SLC6A13: variants seen among roughly 807,000 people sequenced by gnomAD.
The protein encoded by SLC6A13 is solute carrier family 6 member 13.
A neutral mutation model predicts 72.9 loss-of-function variants in SLC6A13; 69 were observed. The ratio of observed to expected loss-of-function variants is 0.95; its 90% CI spans 0.78 to 1.16. SLC6A13 has a LOEUF of 1.16. Among genes scored for constraint, SLC6A13 ranks in the 50% most tolerant of loss-of-function variants. The pLI is 0.00. For missense variants in SLC6A13, 735 were observed against 760.5 expected (o/e 0.97, Z 0.39); for synonymous variants, 303 against 303.0 (o/e 1.00, Z 0.00).
intron 7 of SLC6A13, among the ~76,000 whole-genome samples, chr12:231,220 G>A (rs894683138): frequency 6.6e-6 from 1 of 152,192 alleles, no homozygotes. Flanking sequence ...CAAGGCCTGG[G>A]GATACCGGGA....
At chr12:243,567 G>GAC (rs2137298523) in intron 3 of SLC6A13, 112 bp downstream of exon 3, 1 of 1,064,348 alleles carries the variant, frequency 9.4e-7, no homozygotes, top group East Asian at 2.5e-5. Context: ...TTAGCATAGA[G>GAC]ACTCGGGATC....
intron 2 of SLC6A13, among the ~76,000 whole-genome samples, chr12:245,679 C>CA (rs201656065): frequency 0.045 from 6,248 of 140,124 alleles, 200 homozygotes; most frequent in Middle Eastern, 0.15. Context: ...GACTCTGTCG[C>CA]AAAAAAAAAA....
chr12:224,506 G>T lies in SLC6A13; in HGVS notation c.1068C>A (p.Gly356=), dbSNP rs1246016537. 1 of 1,613,880 alleles carries T rather than the reference G, an allele frequency of 6.2e-7. No homozygotes were observed. Among genetic ancestry groups the T allele is most frequent in the Non-Finnish European group, 8.5e-7 (1 of 1,179,838 alleles). Residue 356 remains glycine (G), a synonymous_variant, in exon 10 of 15, where the codon GGC becomes GGA. Coordinates refer to ENST00000343164, the MANE Select transcript of SLC6A13 (RefSeq NM_016615.5). ...PISEVAESGP[G]LAFIAYPRAV... The stretch of plus-strand genomic sequence containing the variant: ...CCCGCGGGTAAGCGATGAAAGCCAG[G>T]CCAGGGCCTACGACAAGGAGCAGAG...
At chr12:234,135 A>G (rs1216968599) in intron 7 of SLC6A13, among the ~76,000 whole-genome samples, 1 of 152,068 alleles carries the variant, frequency 6.6e-6, no homozygotes, top group Non-Finnish European at 1.5e-5. Flanking sequence ...CCCCGGCAGG[A>G]TGGTCTCTGC....
chr12:251,856 G>T (rs1942564672), intron 2 of SLC6A13, among the ~76,000 whole-genome samples: 2 of 152,036 alleles, frequency 1.3e-5, no homozygotes, highest in Non-Finnish European at 2.9e-5. Flanking sequence ...AGCTACTTTT[G>T]GGAGGCTGTG....
chr12:244,001 A>T (rs1942262529), intron 2 of SLC6A13, among the ~76,000 whole-genome samples, 188 bp from the exon 3 acceptor site: 1 of 152,198 alleles, frequency 6.6e-6, no homozygotes, highest in Non-Finnish European at 1.5e-5. Context: ...ATTATCTAAG[A>T]TCTACACAGC....
At position 221,074 on chromosome 12, in the gene SLC6A13, C is replaced by A; in HGVS notation, c.1687-4G>T. ...GGCACATGAGCTGACGGATTCTCTG[C>A]GGGGATAGCAGAGGTGGCTGTCAGG... On this transcript the variant is annotated splice_region_variant and splice_polypyrimidine_tract_variant and intron_variant, in intron 14 of 14. Transcript: ENST00000343164. The A allele has an allele frequency of 6.3e-7, 1 of 1,595,134 alleles. No individual in the cohort carries two copies.
intron 4 of SLC6A13, among the ~76,000 whole-genome samples, chr12:240,976 G>A (rs899032941): frequency 6.6e-6 from 1 of 152,192 alleles, no homozygotes; most frequent in African/African-American, 2.4e-5. Context: ...GCAAGTAAAG[G>A]ATTCAAACTC....
intron 2 of SLC6A13, among the ~76,000 whole-genome samples, chr12:248,447 C>CA (rs1051194171): frequency 2.0e-5 from 3 of 147,026 alleles, no homozygotes; most frequent in African/African-American, 7.5e-5. Flanking sequence ...TAACACTACT[C>CA]AAAATAAATC....
chr12:248,697 T>C (rs1239660592), intron 2 of SLC6A13, among the ~76,000 whole-genome samples: 2 of 152,186 alleles, frequency 1.3e-5, no homozygotes, highest in East Asian at 3.8e-4. Context: ...AAAACGTTAA[T>C]AGCCCTCTCT....
chr12:236,345 C>G (rs938144062), intron 6 of SLC6A13, among the ~76,000 whole-genome samples: 26 of 152,214 alleles, frequency 1.7e-4, no homozygotes, highest in African/African-American at 6.0e-4. Context: ...GATGTCACCC[C>G]CAGCGGCCCA....
intron 11 of SLC6A13, chr12:223,665 C>A: frequency 8.3e-6 from 3 of 362,208 alleles, no homozygotes; most frequent in East Asian, 5.1e-5. Flanking sequence ...GAAGTTTGTA[C>A]ATAGAACTTG....
chr12:221,285 A>C, intron 14 of SLC6A13, 91 bp downstream of exon 14: 1 of 1,395,132 alleles, frequency 7.2e-7, no homozygotes. Context: ...ACCTCCACAC[A>C]ACGGTGTGCG....
In SLC6A13 at chr12:242,283, G is replaced by A. The variant is rs939815264; in HGVS notation, c.478+331C>T. ...ATTGCAAGTTTGAAAGACCTAAAAC[G>A]TACCAGAGAGAAGATACGCGAAACA... On this transcript the variant is annotated intron_variant, in intron 4 of 14. Transcript: ENST00000343164. Among the ~76,000 whole-genome samples the A allele has an allele frequency of 5.2e-4, 79 of 152,212 alleles. 1 individual carries two copies. The highest frequency in any genetic ancestry group is 1.6e-3 in the African/African-American group (68 of 41,512).
At position 241,437 on chromosome 12, in the gene SLC6A13, G is replaced by C. The variant is rs559958985; in HGVS notation, c.478+1177C>G. ...GAGGGATGTGCCAAGAATCCAAGCAGAACAGCGTCCACCGTGCTCTCCAGC... is the reference window on the plus strand; with the variant it reads ...GAGGGATGTGCCAAGAATCCAAGCACAACAGCGTCCACCGTGCTCTCCAGC... On this transcript the variant is annotated intron_variant, in intron 4 of 14. Coordinates refer to ENST00000343164, the MANE Select transcript of SLC6A13 (RefSeq NM_016615.5). 3.9e-3 allele frequency among the ~76,000 whole-genome samples: 588 copies of C among 152,306 alleles called. 3 individuals carry two copies. Among genetic ancestry groups the C allele is most frequent in the Non-Finnish European group, 6.3e-3 (427 of 68,030 alleles).
intron 2 of SLC6A13, chr12:253,704 G>C (rs551813054): frequency 6.6e-6 from 1 of 152,522 alleles, no homozygotes; most frequent in African/African-American, 2.4e-5. Flanking sequence ...CCAGGCAGTT[G>C]GAGAGGTCTC....
chr12:244,859 T>C (rs1054497593), intron 2 of SLC6A13, among the ~76,000 whole-genome samples: 2 of 152,214 alleles, frequency 1.3e-5, no homozygotes, highest in Non-Finnish European at 2.9e-5. Context: ...CTGTTCCTTA[T>C]AAATTACCCA....
At chr12:247,007 C>CAAAAAAA (rs747908813) in intron 2 of SLC6A13, among the ~76,000 whole-genome samples, 4 of 113,142 alleles carry the variant, frequency 3.5e-5, no homozygotes, top group Non-Finnish European at 5.4e-5. Flanking sequence ...GACTCCATCT[C>CAAAAAAA]AAAAAAAAAA....
chr12:255,378 C>T (rs890007011), intron 2 of SLC6A13, among the ~76,000 whole-genome samples: 4 of 152,160 alleles, frequency 2.6e-5, no homozygotes, highest in African/African-American at 9.7e-5. Flanking sequence ...TCTCAACATA[C>T]CAGCTAGAGA....
Sources: gnomAD v4.1 joint callset for allele counts (sites outside exome capture counted in the v4.1 genomes callset) on GRCh38, gnomAD v4.1.1 for gene constraint, MANE v1.5 for transcripts, NCBI Gene and HGNC (gene_info 2026-07-23, HGNC 2026-07-21) for gene names.